The following MRTFB variants were observed in gnomAD, a reference collection of about 807,000 sequenced individuals.
MRTFB encodes myocardin related transcription factor B.
Under a neutral mutation model 104.2 loss-of-function variants are expected in MRTFB, and 29 were observed. That is an observed-to-expected ratio of 0.28 (90% CI 0.21 to 0.38). The LOEUF (loss-of-function observed/expected upper bound fraction) is 0.38. Ranked by LOEUF, MRTFB falls within the 10% of genes least tolerant of loss-of-function variation. MRTFB has a pLI of 1.00. For synonymous variants in MRTFB, 535 were observed against 519.5 expected (o/e 1.03, Z -0.41); for missense variants, 1,270 against 1,341.6 (o/e 0.95, Z 0.83).
chr16:14,072,388 G>C (rs1399312966), intron 1 of MRTFB, among the ~76,000 whole-genome samples: 1 of 152,176 alleles, frequency 6.6e-6, no homozygotes, highest in African/African-American at 2.4e-5. Flanking sequence ...ACATACTCTT[G>C]TGCTGGAAGA....
intron 10 of MRTFB, among the ~76,000 whole-genome samples, chr16:14,244,683 C>A (rs1406720810): frequency 6.6e-6 from 1 of 152,136 alleles, no homozygotes; most frequent in African/African-American, 2.4e-5. Flanking sequence ...TATTTATTGA[C>A]CATTGGGATA....
rs990811558 is a variant in MRTFB at position 14,177,794 on chromosome 16, G to T, written c.155-32449G>T. Among the ~76,000 whole-genome samples the T allele has an allele frequency of 9.9e-5, 15 of 151,986 alleles. No individual in the cohort carries two copies. The highest frequency in any genetic ancestry group is 3.6e-4 in the African/African-American group (15 of 41,362). On this transcript the variant is annotated intron_variant, in intron 3 of 16. Transcript: ENST00000571589. The surrounding 1 kb of genome is among the most constrained non-coding windows in gnomAD (Gnocchi z 4.7). ...GTAATAATTGCACCACTGTACTCCA[G>T]CCTGGACAACAGAACAAGTCTCTGT...
At chr16:14,009,328 A>T in the MRTFB span, 1 of 152,200 alleles carries the variant, frequency 6.6e-6, no homozygotes, top group Non-Finnish European at 1.5e-5. Context: ...TTCAACATAT[A>T]GAAGAACTAC....
chr16:13,995,294 A>T, the MRTFB span, among the ~76,000 whole-genome samples: 1 of 152,100 alleles, frequency 6.6e-6, no homozygotes, highest in South Asian at 2.1e-4. Context: ...CATTCCTGAG[A>T]TGCTGTTTTG....
intron 2 of MRTFB, among the ~76,000 whole-genome samples, chr16:14,109,559 G>A (rs1567332677): frequency 6.6e-6 from 1 of 152,158 alleles, no homozygotes. Flanking sequence ...ACTCTAAATA[G>A]CTATTTTAAT....
the MRTFB span, among the ~76,000 whole-genome samples, chr16:14,012,054 T>C: frequency 6.6e-6 from 1 of 151,888 alleles, no homozygotes. Context: ...ATTGGAAAGA[T>C]CTGGGTTAGA....
intron 7 of MRTFB, 66 bp from the exon 8 acceptor site, chr16:14,218,753 TC>T: frequency 6.9e-7 from 1 of 1,451,456 alleles, no homozygotes; most frequent in Non-Finnish European, 9.3e-7. Context: ...AATGTTTTCC[TC>T]CTTCACATTA....
intron 2 of MRTFB, among the ~76,000 whole-genome samples, chr16:14,135,839 C>CT (rs1288627113): frequency 6.6e-6 from 1 of 152,190 alleles, no homozygotes; most frequent in Non-Finnish European, 1.5e-5. Flanking sequence ...CCCCATCCAG[C>CT]TTTTTGCTGT....
intron 2 of MRTFB, among the ~76,000 whole-genome samples, chr16:14,118,257 C>G (rs1328833205): frequency 1.3e-5 from 2 of 151,650 alleles, no homozygotes; most frequent in East Asian, 3.9e-4. Context: ...CCGCCTCAGT[C>G]TCCTGAGTAG....
In MRTFB at chr16:14,248,965, GCAACTGCTGCACAAATAC is replaced by G. The variant is rs754196539; in HGVS notation, c.2298_2315del (p.Gln767_Ala772del). The G allele has an allele frequency of 2.5e-6, 4 of 1,614,078 alleles. No homozygotes were observed. The Admixed American group carries it at 5.0e-5, about 20-fold the overall frequency. On this transcript the variant is annotated inframe_deletion, in exon 13 of 17. Coordinates refer to ENST00000571589, the MANE Select transcript of MRTFB (RefSeq NM_001308142.2). ...AGGAATGCAGACTCAGCCTCAGATA[GCAACTGCTGCACAAATAC>G]CAACTGCTGCCTTGGCCTCAGGCTT... is the stretch of plus-strand genomic sequence containing the variant.
chr16:14,265,963 G>A lies in MRTFB; in HGVS notation c.*4519G>A, dbSNP rs768355900. 1.4e-4 allele frequency: 21 copies of A among 152,174 alleles called. No individual in the cohort carries two copies. Among genetic ancestry groups the A allele is most frequent in the Non-Finnish European group, 7.3e-5 (5 of 68,036 alleles). The allele number at this position is 152,174 out of a possible 1,614,324, so 9.4% of individuals were successfully genotyped here. A position where few individuals can be genotyped will look rare whatever the true frequency, so the allele number is the denominator to read the frequency against. On this transcript the variant is annotated 3_prime_UTR_variant, in exon 17 of 17. Coordinates refer to ENST00000571589, the MANE Select transcript of MRTFB (RefSeq NM_001308142.2). ...AAACTCGTAACAATTACCTCTCTACGTGATGCTGTAAGGAATCTTGCTAAT... is the reference window on the plus strand; with the variant it reads ...AAACTCGTAACAATTACCTCTCTACATGATGCTGTAAGGAATCTTGCTAAT...
At chr16:14,011,087 C>G in the MRTFB span, among the ~76,000 whole-genome samples, 1 of 152,220 alleles carries the variant, frequency 6.6e-6, no homozygotes, top group South Asian at 2.1e-4. Context: ...CACCCCTGTT[C>G]CTGTCACTTT....
chr16:14,099,825 G>A (rs1025589930), intron 2 of MRTFB, among the ~76,000 whole-genome samples: 3 of 151,808 alleles, frequency 2.0e-5, no homozygotes, highest in African/African-American at 7.3e-5. Flanking sequence ...ACACCACCAC[G>A]CCCAGCTAAT....
At chr16:14,260,243 G>A (rs966845438) in intron 16 of MRTFB, among the ~76,000 whole-genome samples, 1 of 151,706 alleles carries the variant, frequency 6.6e-6, no homozygotes, top group Non-Finnish European at 1.5e-5. Context: ...AGGATCAAAG[G>A]AACCATATGT....
At chr16:14,186,844 C>T (rs2039970937) in intron 3 of MRTFB, 20 of 1,594,390 alleles carry the variant, frequency 1.3e-5, no homozygotes, top group Admixed American at 5.0e-5. Context: ...GTTCTGCGCA[C>T]CGCACTTCGC....
chr16:14,155,837 T>C (rs1480721415), intron 3 of MRTFB, among the ~76,000 whole-genome samples: 1 of 152,206 alleles, frequency 6.6e-6, no homozygotes, highest in Non-Finnish European at 1.5e-5. Flanking sequence ...GAGATTTTAC[T>C]CTGTGTACAT....
chr16:14,237,120 C>T (rs1293345517), intron 9 of MRTFB, among the ~76,000 whole-genome samples: 3 of 152,138 alleles, frequency 2.0e-5, no homozygotes, highest in Non-Finnish European at 2.9e-5. Context: ...TAGATGAGTG[C>T]AGACCTTAGG....
the MRTFB span, among the ~76,000 whole-genome samples, chr16:14,038,943 G>T: frequency 6.6e-6 from 1 of 152,098 alleles, no homozygotes; most frequent in South Asian, 2.1e-4. Context: ...ACTGAAAGGC[G>T]ACACCCTTTA....
At chr16:14,205,003 A>G (rs955674079) in intron 3 of MRTFB, among the ~76,000 whole-genome samples, 1 of 152,212 alleles carries the variant, frequency 6.6e-6, no homozygotes, top group Non-Finnish European at 1.5e-5. Context: ...AAACTATGCC[A>G]TATCCACCTA....
Sources: gnomAD v4.1 joint callset for allele counts (sites outside exome capture counted in the v4.1 genomes callset) on GRCh38, gnomAD v4.1.1 for gene constraint, Gnocchi (gnomAD v3.1) non-coding constraint, MANE v1.5 for transcripts, NCBI Gene and HGNC (gene_info 2026-07-23, HGNC 2026-07-21) for gene names.